STAG1: variants seen among roughly 807,000 people sequenced by gnomAD.
The protein encoded by STAG1 is cohesin subunit SA-1.
A neutral mutation model predicts 170.9 loss-of-function variants in STAG1; 26 were observed. That is an observed-to-expected ratio of 0.15 (90% CI 0.11 to 0.21). The LOEUF (loss-of-function observed/expected upper bound fraction) is 0.21. STAG1 is among the 10% of genes least tolerant of loss of function. The pLI is 1.00. For missense variants in STAG1, 964 were observed against 1,509.5 expected, an observed-to-expected ratio of 0.64 and a Z score of 5.99; for synonymous variants, 514 against 497.7, an observed-to-expected ratio of 1.03 and a Z score of -0.44.
chr3:136,554,573 C>T (rs1936531033), intron 5 of STAG1, among the ~76,000 whole-genome samples: 1 of 152,052 alleles, frequency 6.6e-6, no homozygotes, highest in South Asian at 2.1e-4. Context: ...AAAAGTTAAC[C>T]AGAAAACTCT....
At chr3:136,463,767 G>GTGTATGTA (rs1375220735) in intron 13 of STAG1, among the ~76,000 whole-genome samples, 3 of 58,740 alleles carry the variant, frequency 5.1e-5, no homozygotes, top group African/African-American at 1.2e-4. Context: ...GTGTGTGTGT[G>GTGTATGTA]TATACACACA....
At chr3:136,667,627 C>G (rs1941832718) in intron 1 of STAG1, among the ~76,000 whole-genome samples, 1 of 152,072 alleles carries the variant, frequency 6.6e-6, no homozygotes, top group Non-Finnish European at 1.5e-5. Flanking sequence ...CTCCCAGTAG[C>G]TGGAGTTACA....
At chr3:136,623,692 T>C (rs1939964847) in intron 2 of STAG1, among the ~76,000 whole-genome samples, 1 of 152,082 alleles carries the variant, frequency 6.6e-6, no homozygotes, top group Admixed American at 6.6e-5. Context: ...CGGTGGCTCA[T>C]GCCTATAAAT....
At chr3:136,715,247 A>C (rs1943508283) in intron 1 of STAG1, among the ~76,000 whole-genome samples, 1 of 150,334 alleles carries the variant, frequency 6.7e-6, no homozygotes, top group African/African-American at 2.5e-5. Context: ...TCCAGGGCTC[A>C]AGTAATCCTT....
At chr3:136,457,861 C>T (rs532432299) in intron 13 of STAG1, among the ~76,000 whole-genome samples, 12 of 151,852 alleles carry the variant, frequency 7.9e-5, no homozygotes, top group Non-Finnish European at 1.6e-4. Flanking sequence ...TTTGGGAGGC[C>T]GAGATGGGAG....
At chr3:136,375,740 G>T (rs1260368465) in intron 23 of STAG1, among the ~76,000 whole-genome samples, 3 of 151,684 alleles carry the variant, frequency 2.0e-5, no homozygotes, top group Non-Finnish European at 2.9e-5. Flanking sequence ...GGAGGCTGAG[G>T]CAGGCAGATC....
intron 1 of STAG1, among the ~76,000 whole-genome samples, chr3:136,677,313 G>A (rs867357695): frequency 2.6e-5 from 4 of 152,026 alleles, no homozygotes; most frequent in African/African-American, 7.2e-5. Flanking sequence ...GGAAGGTTAC[G>A]AGATCACAAG....
chr3:136,384,604 A>G (rs2108318210), intron 22 of STAG1, among the ~76,000 whole-genome samples: 1 of 152,198 alleles, frequency 6.6e-6, no homozygotes, highest in South Asian at 2.1e-4. Context: ...CCCCATCTCT[A>G]CCAAAAATAC....
At chr3:136,600,085 A>G (rs750563279) in intron 4 of STAG1, among the ~76,000 whole-genome samples, 4 of 152,222 alleles carry the variant, frequency 2.6e-5, no homozygotes, top group Admixed American at 1.3e-4. Flanking sequence ...AATTATGTCC[A>G]TCTTCTCCCT....
chr3:136,360,590 T>G (rs1936824559), intron 26 of STAG1, among the ~76,000 whole-genome samples: 1 of 152,256 alleles, frequency 6.6e-6, no homozygotes, highest in South Asian at 2.1e-4. Flanking sequence ...CAGCAATAGA[T>G]TGGCCTGAAC....
At chr3:136,430,540 T>C (rs1376389025) in intron 16 of STAG1, among the ~76,000 whole-genome samples, 1 of 151,884 alleles carries the variant, frequency 6.6e-6, no homozygotes, top group Non-Finnish European at 1.5e-5. Context: ...GGTATCCAAT[T>C]TTTTGGCTTC....
At chr3:136,371,628 CTTGT>C (rs1229384472) in intron 23 of STAG1, among the ~76,000 whole-genome samples, 2 of 152,154 alleles carry the variant, frequency 1.3e-5, no homozygotes, top group Non-Finnish European at 2.9e-5. Context: ...TTCCACATTG[CTTGT>C]TTTTCTCAGG....
At chr3:136,549,229 A>G (rs1041372367) in intron 5 of STAG1, among the ~76,000 whole-genome samples, 2 of 152,190 alleles carry the variant, frequency 1.3e-5, no homozygotes, top group African/African-American at 4.8e-5. Flanking sequence ...AAATACAACT[A>G]AATTTATATG....
chr3:136,463,191 G>A (rs1043186924), intron 13 of STAG1, among the ~76,000 whole-genome samples: 2 of 152,140 alleles, frequency 1.3e-5, no homozygotes, highest in Non-Finnish European at 2.9e-5. Flanking sequence ...TGAAAACCTT[G>A]ACTTTCTTCC....
intron 1 of STAG1, among the ~76,000 whole-genome samples, chr3:136,722,978 T>G (rs901085529): frequency 6.6e-6 from 1 of 152,082 alleles, no homozygotes; most frequent in African/African-American, 2.4e-5. Flanking sequence ...GCAGACGGAG[T>G]CTGGTTCACT....
intron 22 of STAG1, among the ~76,000 whole-genome samples, chr3:136,392,562 C>A (rs928687436): frequency 6.6e-6 from 1 of 151,886 alleles, no homozygotes. Flanking sequence ...GTCAGCAGAT[C>A]GAGACCATCC....
At chr3:136,358,847 T>G (rs906479307) in intron 27 of STAG1, among the ~76,000 whole-genome samples, 1 of 152,162 alleles carries the variant, frequency 6.6e-6, no homozygotes, top group Non-Finnish European at 1.5e-5. Context: ...GCACTGGGAT[T>G]ACAGGCGTGA....
chr3:136,574,378 C>A (rs1937378138), intron 4 of STAG1, among the ~76,000 whole-genome samples: 1 of 151,916 alleles, frequency 6.6e-6, no homozygotes, highest in Non-Finnish European at 1.5e-5. Flanking sequence ...ACATCCTTGT[C>A]TTGATTTCTA....
chr3:136,528,737 C>T (rs1472254957), intron 6 of STAG1, among the ~76,000 whole-genome samples: 2 of 151,818 alleles, frequency 1.3e-5, no homozygotes, highest in African/African-American at 4.8e-5. Context: ...ATTCCTTGAG[C>T]TCAGGACATG....
Sources: allele counts gnomAD v4.1 joint callset (sites outside exome capture counted in the v4.1 genomes callset), GRCh38; gene constraint gnomAD v4.1.1; transcripts MANE v1.5; gene names NCBI Gene and HGNC (gene_info 2026-07-23, HGNC 2026-07-21).